The following FIGN variants were observed in gnomAD, a reference collection of about 807,000 sequenced individuals.
FIGN encodes the protein fidgetin.
FIGN carries 11 observed loss-of-function variants against 51.3 expected under a neutral mutation model. That is an observed-to-expected ratio of 0.21 (90% CI 0.13 to 0.35). The LOEUF (loss-of-function observed/expected upper bound fraction) is 0.35, where lower values mean the gene tolerates loss of function less well. Ranked by LOEUF, FIGN falls within the 10% of genes least tolerant of loss-of-function variation. The pLI, the probability that FIGN is intolerant of heterozygous loss-of-function variation, is 1.00. For missense variants in FIGN, 857 were observed against 943.6 expected (o/e 0.91, Z 1.20); for synonymous variants, 407 against 363.2 (o/e 1.12, Z -1.37).
intron 2 of FIGN, among the ~76,000 whole-genome samples, chr2:163,696,185 G>T (rs760741501): frequency 1.3e-5 from 2 of 151,988 alleles, no homozygotes; most frequent in African/African-American, 2.4e-5. Context: ...AAGAAACAGT[G>T]ATCTAAAAAG....
intron 2 of FIGN, among the ~76,000 whole-genome samples, chr2:163,646,335 T>C (rs1683381857): frequency 1.3e-5 from 2 of 152,140 alleles, no homozygotes; most frequent in South Asian, 4.1e-4. Flanking sequence ...TGCTGCCATG[T>C]CACTAAGCTC....
intron 2 of FIGN, among the ~76,000 whole-genome samples, chr2:163,643,857 G>A (rs1559006587): frequency 2.1e-5 from 3 of 145,020 alleles, no homozygotes; most frequent in Non-Finnish European, 4.5e-5. Flanking sequence ...GCTTGAAGCC[G>A]GGAGGCAGAG....
chr2:163,625,481 A>G (rs1442857043), intron 2 of FIGN, among the ~76,000 whole-genome samples: 3 of 151,962 alleles, frequency 2.0e-5, no homozygotes, highest in Non-Finnish European at 4.4e-5. Context: ...ACATTAAAGG[A>G]CAATATTGTG....
intron 2 of FIGN, among the ~76,000 whole-genome samples, chr2:163,716,954 T>G (rs1393244795): frequency 6.6e-6 from 1 of 152,174 alleles, no homozygotes; most frequent in Non-Finnish European, 1.5e-5. Context: ...TCCAGTACAT[T>G]GCTTTACATA....
chr2:163,641,583 C>T (rs926680450), intron 2 of FIGN, among the ~76,000 whole-genome samples: 1 of 152,162 alleles, frequency 6.6e-6, no homozygotes, highest in Non-Finnish European at 1.5e-5. Flanking sequence ...TACACCTTTT[C>T]AGAAAATTAA....
rs181313282 is a variant in FIGN, at chr2:163,624,786, C to T, written c.26-12980G>A. ...TCATTACTGTTTTCAGCAATTTGCA[C>T]CACCAAAGATGCTTATTAGGTAACT... On this transcript the variant is annotated intron_variant, in intron 2 of 2. Coordinates refer to ENST00000333129, the MANE Select transcript of FIGN (RefSeq NM_018086.4). 9.2e-3 allele frequency among the ~76,000 whole-genome samples: 1,395 copies of T among 150,860 alleles called. 19 individuals are homozygous for T. Among genetic ancestry groups the T allele is most frequent in the Non-Finnish European group, 0.013 (854 of 67,716 alleles).
intron 2 of FIGN, among the ~76,000 whole-genome samples, chr2:163,623,654 C>A (rs188017726): frequency 6.6e-6 from 1 of 152,150 alleles, no homozygotes; most frequent in African/African-American, 2.4e-5. Flanking sequence ...TCCTTTTAAG[C>A]AAATCTTTTT....
chr2:163,698,685 T>C (rs904023503), intron 2 of FIGN, among the ~76,000 whole-genome samples: 3 of 152,104 alleles, frequency 2.0e-5, no homozygotes, highest in African/African-American at 7.2e-5. Context: ...GAAACAGAAC[T>C]TTTGTAGACT....
At chr2:163,636,937 G>C (rs1368229609) in intron 2 of FIGN, among the ~76,000 whole-genome samples, 1 of 152,110 alleles carries the variant, frequency 6.6e-6, no homozygotes, top group Non-Finnish European at 1.5e-5. Flanking sequence ...AAATTAGCCA[G>C]GAGTGGTGGC....
intron 2 of FIGN, among the ~76,000 whole-genome samples, chr2:163,694,624 A>G (rs1284784541): frequency 6.6e-6 from 1 of 152,200 alleles, no homozygotes; most frequent in African/African-American, 2.4e-5. Flanking sequence ...ACTGAGGTCC[A>G]GGAAAGTAAA....
rs1027426516 is a variant in FIGN, at chr2:163,641,451, C to G, written c.26-29645G>C. Among the ~76,000 whole-genome samples, 10 of 152,280 alleles carry G rather than the reference C, an allele frequency of 6.6e-5. No individual in the cohort carries two copies. The East Asian group carries it at 9.7e-4, about 15-fold the overall frequency. ...GGAATTTGTACGCCATTAGTTTAGC[C>G]CCTTCATCTTACAGTTAAGGGGGCT... On this transcript the variant is annotated intron_variant, in intron 2 of 2. Coordinates refer to ENST00000333129, the MANE Select transcript of FIGN (RefSeq NM_018086.4).
chr2:163,619,666 C>T (rs1682935909), intron 2 of FIGN, among the ~76,000 whole-genome samples: 2 of 152,002 alleles, frequency 1.3e-5, no homozygotes. Context: ...AATGCATAAG[C>T]ATTATGCAAA....
Position 163,685,664 on chromosome 2 carries a change from G to A in FIGN, c.25+49239C>T, listed in dbSNP as rs116822428. On this transcript the variant is annotated intron_variant, in intron 2 of 2. Coordinates refer to ENST00000333129, the MANE Select transcript of FIGN (RefSeq NM_018086.4). The stretch of plus-strand genomic sequence containing the variant: ...CTTCTAGGTCAATATTAACGATCTT[G>A]CAGTATCGTTATCTGAAGTAAGTGG... Among the ~76,000 whole-genome samples, 1,369 of 152,294 alleles carry A rather than the reference G, an allele frequency of 9.0e-3. 8 individuals are homozygous for A. Among genetic ancestry groups the A allele is most frequent in the Non-Finnish European group, 0.014 (936 of 68,036 alleles).
At chr2:163,646,418 T>C (rs1182605296) in intron 2 of FIGN, among the ~76,000 whole-genome samples, 1 of 152,142 alleles carries the variant, frequency 6.6e-6, no homozygotes, top group African/African-American at 2.4e-5. Flanking sequence ...GCTGGGGTAG[T>C]AGGTTAAAAA....
intron 2 of FIGN, among the ~76,000 whole-genome samples, chr2:163,701,570 G>A (rs1684408077): frequency 6.6e-6 from 1 of 152,170 alleles, no homozygotes. Context: ...GATATTAGAA[G>A]CTTTAGCCGA....
At chr2:163,721,189 T>A (rs1684751568) in intron 2 of FIGN, among the ~76,000 whole-genome samples, 2 of 152,176 alleles carry the variant, frequency 1.3e-5, no homozygotes, top group Admixed American at 1.3e-4. Flanking sequence ...ATAATTCTCA[T>A]GAATATTTTT....
chr2:163,609,519 C>T lies in FIGN; in HGVS notation c.*33G>A, dbSNP rs746714815. On this transcript the variant is annotated 3_prime_UTR_variant, in exon 3 of 3. Coordinates refer to ENST00000333129, the MANE Select transcript of FIGN (RefSeq NM_018086.4). ...AGCAGGTTTTATGTGTGTGTGCCAA[C>T]ATTCATTACATTTTTTTTTTCTAAA... 3.9e-6 allele frequency: 6 copies of T among 1,534,644 alleles called. No homozygotes were observed. In the Admixed American group the frequency reaches 9.4e-5, roughly 24 times the overall value.
intron 2 of FIGN, among the ~76,000 whole-genome samples, chr2:163,715,620 G>A (rs1017031063): frequency 3.9e-5 from 6 of 152,134 alleles, no homozygotes; most frequent in Non-Finnish European, 8.8e-5. Flanking sequence ...GGGAATGAAT[G>A]AGCAAATGAA....
chr2:163,612,769 T>TA (rs1491296417), intron 2 of FIGN, among the ~76,000 whole-genome samples: 55 of 132,228 alleles, frequency 4.2e-4, no homozygotes, highest in Non-Finnish European at 2.7e-4. Context: ...TATATATATA[T>TA]TATATATGAG....
Sources: allele counts gnomAD v4.1 joint callset (sites outside exome capture counted in the v4.1 genomes callset), GRCh38; gene constraint gnomAD v4.1.1; transcripts MANE v1.5; gene names NCBI Gene and HGNC (gene_info 2026-07-23, HGNC 2026-07-21).